Variants in VPS13C observed in about 807,000 individuals in gnomAD.
VPS13C encodes vacuolar protein sorting 13 homolog C, also known as intermembrane lipid transfer protein VPS13C.
A neutral mutation model predicts 456.8 loss-of-function variants in VPS13C; 358 were observed. The observed-to-expected ratio is 0.78, with a 90% CI of 0.72 to 0.86. VPS13C has a LOEUF of 0.86. VPS13C is among the 40% of genes least tolerant of loss of function. The pLI is 0.00. For synonymous variants in VPS13C, 1,578 were observed against 1,486.7 expected (o/e 1.06, Z -1.41); for missense variants, 4,818 against 4,385.4 (o/e 1.10, Z -2.79).
chr15:61,909,059 G>T lies in VPS13C; in HGVS notation c.8911C>A (p.His2971Asn). 1 of 1,613,704 alleles carries T rather than the reference G, an allele frequency of 6.2e-7. No individual in the cohort carries two copies. Among genetic ancestry groups the T allele is most frequent in the Non-Finnish European group, 8.5e-7 (1 of 1,179,952 alleles). Residue 2971 changes from histidine (H) to asparagine (N), a missense_variant, in exon 65 of 85, where the codon CAT (histidine) becomes AAT (asparagine). By Grantham distance (68) the His-to-Asn change is moderately conservative. Transcript: ENST00000644861. ...HSTVITFSDY[H>N]EGSAPALIMN... Reference sequence around the variant, plus strand: ...ATCAAGGCAGGTGCAGATCCCTCATGGTAATCAGAAAAAGTTATGACAGTT... The same window carrying T: ...ATCAAGGCAGGTGCAGATCCCTCATTGTAATCAGAAAAAGTTATGACAGTT...
At position 61,925,553 on chromosome 15, in the gene VPS13C, A is replaced by C; in HGVS notation, c.6517-5T>G. On this transcript the variant is annotated splice_polypyrimidine_tract_variant and splice_region_variant and intron_variant, in intron 52 of 84. Coordinates refer to ENST00000644861, the MANE Select transcript of VPS13C (RefSeq NM_020821.3). ...TAAAGAACAGGGCTGCAAGACCTAT[A>C]AACAGATAAATGAAATTCACATTTC... 1 of 1,571,618 alleles carries C rather than the reference A, an allele frequency of 6.4e-7. No homozygotes were observed. Among genetic ancestry groups the C allele is most frequent in the Non-Finnish European group, 8.6e-7 (1 of 1,160,416 alleles).
chr15:62,013,050 C>T lies in VPS13C; in HGVS notation c.814G>A (p.Glu272Lys), dbSNP rs763936103. Residue 272 changes from glutamate (E) to lysine (K), a missense_variant, in exon 11 of 85, where the codon GAA becomes AAA. Coordinates refer to ENST00000644861, the MANE Select transcript of VPS13C (RefSeq NM_020821.3). The stretch of plus-strand genomic sequence containing the variant: ...TACATTAATATTACCAAAATCTGTT[C>T]CCTTGATCTCTGGTAAGACATGCTG... ...NCSMSYQRSR[E>K]QILDQLKNEI... The T allele has an allele frequency of 1.2e-6, 2 of 1,609,530 alleles. No individual in the cohort carries two copies. The highest frequency in any genetic ancestry group is 1.7e-5 in the Admixed American group (1 of 59,624).
Position 62,012,072 on chromosome 15 carries a change from C to T in VPS13C, c.883+35G>A, listed in dbSNP as rs775951413. On this transcript the variant is annotated intron_variant, in intron 12 of 84. Transcript: ENST00000644861. The stretch of plus-strand genomic sequence containing the variant: ...TAATGTATTTAATTCTATGTTTCTT[C>T]CTATAACATGAAATAAACTTTTACT... 2.3e-5 allele frequency: 29 copies of T among 1,239,558 alleles called. No homozygotes were observed. The African/African-American group carries it at 4.3e-4, about 18-fold the overall frequency. The allele number at this position is 1,239,558 out of a possible 1,614,324, so 76.8% of individuals were successfully genotyped here. A position where few individuals can be genotyped will look rare whatever the true frequency, so the allele number is the denominator to read the frequency against.
intron 22 of VPS13C, 146 bp from the exon 23 acceptor site, chr15:61,978,895 T>G: frequency 1.4e-6 from 1 of 721,556 alleles, no homozygotes. Flanking sequence ...AACATTTTAA[T>G]TTTCAGATAA....
At chr15:62,052,589 C>T (rs991305769) in intron 1 of VPS13C, among the ~76,000 whole-genome samples, 2 of 143,814 alleles carry the variant, frequency 1.4e-5, no homozygotes, top group Admixed American at 1.5e-4. Context: ...AGGAGAATGG[C>T]GTGAACCCAG....
intron 9 of VPS13C, among the ~76,000 whole-genome samples, chr15:62,016,770 C>A (rs558980932): frequency 1.3e-5 from 2 of 152,020 alleles, no homozygotes; most frequent in East Asian, 3.9e-4. Flanking sequence ...GATTTATATT[C>A]CTTTGGGTAT....
At chr15:61,998,601 G>A (rs1229658003) in intron 16 of VPS13C, among the ~76,000 whole-genome samples, 1 of 152,048 alleles carries the variant, frequency 6.6e-6, no homozygotes, top group Admixed American at 6.5e-5. Context: ...GGGTCAAACG[G>A]CCCAAAATCA....
chr15:61,946,033 T>A, intron 44 of VPS13C, 151 bp from the exon 45 acceptor site: 1 of 732,072 alleles, frequency 1.4e-6, no homozygotes, highest in Non-Finnish European at 2.0e-6. Context: ...ACATTTTACG[T>A]GACAATAACT....
chr15:61,948,997 G>A (rs2044697859), intron 42 of VPS13C, among the ~76,000 whole-genome samples: 1 of 152,162 alleles, frequency 6.6e-6, no homozygotes, highest in African/African-American at 2.4e-5. Context: ...AAACCAATAT[G>A]AGTGTGTCTA....
intron 3 of VPS13C, among the ~76,000 whole-genome samples, chr15:62,039,070 C>G: frequency 6.6e-6 from 1 of 151,980 alleles, no homozygotes; most frequent in South Asian, 2.1e-4. Flanking sequence ...AAAATAAAAA[C>G]AGCAATCCCA....
intron 67 of VPS13C, among the ~76,000 whole-genome samples, chr15:61,887,851 A>G (rs1896381209): frequency 6.6e-6 from 1 of 152,198 alleles, no homozygotes. Flanking sequence ...AAGAGAATTG[A>G]TAAGTCTGAG....
At chr15:61,988,494 A>T (rs760787240) in intron 18 of VPS13C, among the ~76,000 whole-genome samples, 1 of 152,202 alleles carries the variant, frequency 6.6e-6, no homozygotes, top group Admixed American at 6.5e-5. Flanking sequence ...AGGTGAAAAG[A>T]CTCAATACTA....
chr15:62,019,984 GTATA>G (rs1368740425), intron 9 of VPS13C, among the ~76,000 whole-genome samples: 2 of 150,414 alleles, frequency 1.3e-5, no homozygotes, highest in East Asian at 3.9e-4. Flanking sequence ...ATGTATGTGT[GTATA>G]TATATACAGA....
chr15:62,002,441 T>A, intron 15 of VPS13C, among the ~76,000 whole-genome samples: 1 of 152,206 alleles, frequency 6.6e-6, no homozygotes. Flanking sequence ...ATGAGTAGGT[T>A]GCGAAAATTT....
At chr15:61,949,333 C>T in intron 42 of VPS13C, 110 bp downstream of exon 42, 1 of 1,268,656 alleles carries the variant, frequency 7.9e-7, no homozygotes, top group Non-Finnish European at 1.1e-6. Flanking sequence ...ACTAACCTAT[C>T]AGAGCAGCAA....
In VPS13C at chr15:61,946,396, T is replaced by C; in HGVS notation, c.4891A>G (p.Ile1631Val). The change falls in exon 44 of 85, where the codon ATT becomes GTT. Residue 1631 changes from isoleucine to valine, a missense_variant. This residue lies in a region of VPS13C where 4,552 missense variants were observed against 4,130.6 expected (regional missense o/e 1.10). Transcript: ENST00000644861. ...DIKIHGMDAS[I>V]SVKPKQTDVF... ...TCAGTCTGCTTAGGCTTCACAGAAA[T>C]AGAGGCATCCATTCCTATAGGAAAC... 2.5e-6 allele frequency: 4 copies of C among 1,604,700 alleles called. No homozygotes were observed. Among genetic ancestry groups the C allele is most frequent in the Non-Finnish European group, 2.6e-6 (3 of 1,176,232 alleles).
At chr15:61,957,515 G>C (rs184320429) in intron 37 of VPS13C, among the ~76,000 whole-genome samples, 14 of 152,088 alleles carry the variant, frequency 9.2e-5, no homozygotes, top group African/African-American at 3.4e-4. Context: ...TTTTCACTTA[G>C]CACATGGTCC....
At chr15:61,962,897 A>C (rs1283941393) in intron 32 of VPS13C, 45 bp from the exon 33 acceptor site, 3 of 1,329,876 alleles carry the variant, frequency 2.3e-6, no homozygotes, top group Non-Finnish European at 1.0e-6. Context: ...GACCTACCAT[A>C]AATAAGATCT....
chr15:61,927,601 G>A (rs1319708508), intron 51 of VPS13C, among the ~76,000 whole-genome samples: 1 of 152,208 alleles, frequency 6.6e-6, no homozygotes, highest in Non-Finnish European at 1.5e-5. Flanking sequence ...TGGCGGGACT[G>A]TAAATTAGTT....
Sources: allele counts gnomAD v4.1 joint callset (sites outside exome capture counted in the v4.1 genomes callset), GRCh38; gene constraint gnomAD v4.1.1; regional missense constraint gnomAD v4.1.1; transcripts MANE v1.5; gene names NCBI Gene and HGNC (gene_info 2026-07-23, HGNC 2026-07-21).